FMN2: variants seen among roughly 807,000 people sequenced by gnomAD.
FMN2 encodes the protein formin 2, also known as formin-2.
In FMN2, 51 loss-of-function variants were observed where a neutral mutation model predicts 142.3. That is an observed-to-expected ratio of 0.36 (90% CI 0.29 to 0.45). The LOEUF is 0.45. Ranked by LOEUF, FMN2 falls within the 20% of genes least tolerant of loss-of-function variation. FMN2 has a pLI of 1.00. For synonymous variants in FMN2, 882 were observed against 869.8 expected, an observed-to-expected ratio of 1.01 and a Z score of -0.25; for missense variants, 1,936 against 2,122.8, an observed-to-expected ratio of 0.91 and a Z score of 1.73.
chr1:240,446,449 C>A (rs1265072267), intron 16 of FMN2, among the ~76,000 whole-genome samples: 1 of 152,166 alleles, frequency 6.6e-6, no homozygotes, highest in Non-Finnish European at 1.5e-5. Flanking sequence ...TCCCCTTTAG[C>A]ATTTGCTAAA....
chr1:240,354,379 G>C (rs1396138041), intron 13 of FMN2, among the ~76,000 whole-genome samples: 1 of 152,200 alleles, frequency 6.6e-6, no homozygotes, highest in Non-Finnish European at 1.5e-5. Flanking sequence ...AGTTATGTAG[G>C]TCAGGTGGTG....
At chr1:240,359,192 T>C (rs1672380627) in intron 14 of FMN2, among the ~76,000 whole-genome samples, 1 of 152,134 alleles carries the variant, frequency 6.6e-6, no homozygotes, top group Admixed American at 6.6e-5. Flanking sequence ...TTTCTTCTAG[T>C]TTATCAGGAC....
At chr1:240,206,718 G>T in intron 4 of FMN2, 81 bp from the exon 5 acceptor site, 1 of 1,460,140 alleles carries the variant, frequency 6.8e-7, no homozygotes, top group Non-Finnish European at 9.2e-7. Flanking sequence ...ACAACAAACA[G>T]ATATAATTTT....
At chr1:240,246,522 A>T (rs1024611237) in intron 6 of FMN2, among the ~76,000 whole-genome samples, 2 of 152,188 alleles carry the variant, frequency 1.3e-5, no homozygotes, top group Non-Finnish European at 2.9e-5. Flanking sequence ...ATGTTGGGGT[A>T]GCTTTTCTCC....
At chr1:240,471,926 T>C (rs962105219) in intron 16 of FMN2, 12 of 155,134 alleles carry the variant, frequency 7.7e-5, no homozygotes, top group Non-Finnish European at 1.3e-4. Context: ...ATTGCAGGCA[T>C]GAGCTACTCC....
At chr1:240,436,977 A>G (rs1293675235) in intron 15 of FMN2, among the ~76,000 whole-genome samples, 1 of 152,112 alleles carries the variant, frequency 6.6e-6, no homozygotes, top group East Asian at 1.9e-4. Context: ...AGCATCTCTG[A>G]CCTTTCTCTA....
chr1:240,130,687 A>T (rs1363957212), intron 2 of FMN2, among the ~76,000 whole-genome samples: 3 of 152,168 alleles, frequency 2.0e-5, no homozygotes, highest in African/African-American at 4.8e-5. Context: ...TCCTTTTCTT[A>T]TACAGGGAAC....
At chr1:240,368,150 A>T (rs886122319) in intron 14 of FMN2, among the ~76,000 whole-genome samples, 1 of 152,082 alleles carries the variant, frequency 6.6e-6, no homozygotes, top group South Asian at 2.1e-4. Flanking sequence ...TAGACTTCTA[A>T]TAAGTCTTGA....
At chr1:240,437,284 A>G (rs1452684829) in intron 15 of FMN2, among the ~76,000 whole-genome samples, 1 of 140,780 alleles carries the variant, frequency 7.1e-6, no homozygotes, top group East Asian at 2.2e-4. Flanking sequence ...CTTTGTCAGC[A>G]TCTCTTGCTT....
At chr1:240,101,206 T>G (rs918786504) in intron 1 of FMN2, among the ~76,000 whole-genome samples, 3 of 152,314 alleles carry the variant, frequency 2.0e-5, no homozygotes, top group African/African-American at 7.2e-5. Context: ...GTGAATGCAA[T>G]CTTGCTGGGA....
At chr1:240,281,968 A>G (rs1669410204) in intron 7 of FMN2, among the ~76,000 whole-genome samples, 1 of 152,208 alleles carries the variant, frequency 6.6e-6, no homozygotes, top group Non-Finnish European at 1.5e-5. Context: ...CCAAACAATA[A>G]TACGAAACTT....
At chr1:240,158,675 G>A (rs961209932) in intron 2 of FMN2, among the ~76,000 whole-genome samples, 1 of 152,070 alleles carries the variant, frequency 6.6e-6, no homozygotes, top group African/African-American at 2.4e-5. Flanking sequence ...TTGTTAGTAT[G>A]TTACTGACCA....
At chr1:240,280,483 C>G (rs7554349) in intron 7 of FMN2, among the ~76,000 whole-genome samples, 19,880 of 151,998 alleles carry the variant, frequency 0.13, 1,376 homozygotes, top group South Asian at 0.19. Flanking sequence ...ATCACTGTGC[C>G]CCTTTTAGAG....
At chr1:240,159,886 G>GTGTATATATATAT (rs1558328369) in intron 2 of FMN2, among the ~76,000 whole-genome samples, 8 of 135,424 alleles carry the variant, frequency 5.9e-5, no homozygotes, top group Non-Finnish European at 7.7e-5. Context: ...TACATGGAGA[G>GTGTATATATATAT]ATATATATAT....
chr1:240,343,435 C>T (rs1442007563), intron 13 of FMN2, among the ~76,000 whole-genome samples: 1 of 152,168 alleles, frequency 6.6e-6, no homozygotes, highest in Non-Finnish European at 1.5e-5. Flanking sequence ...CTTTTAACCC[C>T]AACACAAACA....
intron 16 of FMN2, among the ~76,000 whole-genome samples, chr1:240,451,608 G>A (rs928877436): frequency 6.6e-6 from 1 of 152,032 alleles, no homozygotes; most frequent in Non-Finnish European, 1.5e-5. Context: ...CCCAACAGGG[G>A]CCTCATCCCC....
intron 2 of FMN2, among the ~76,000 whole-genome samples, chr1:240,136,482 G>A (rs1232178049): frequency 6.6e-6 from 1 of 152,094 alleles, no homozygotes; most frequent in African/African-American, 2.4e-5. Context: ...CTTTCTTCAT[G>A]ATTGTTTTTT....
At chr1:240,232,095 G>C (rs1667543425) in intron 6 of FMN2, among the ~76,000 whole-genome samples, 4 of 151,566 alleles carry the variant, frequency 2.6e-5, no homozygotes, top group Admixed American at 2.0e-4. Context: ...TTTTGAGATG[G>C]AGTCTTGCTC....
intron 15 of FMN2, among the ~76,000 whole-genome samples, chr1:240,429,518 CTTTCAGTGG>C (rs1251842351): frequency 1.3e-5 from 2 of 152,060 alleles, no homozygotes; most frequent in Non-Finnish European, 2.9e-5. Context: ...TTAAGTGTTC[CTTTCAGTGG>C]TTTCTTTTAA....
Sources: allele counts gnomAD v4.1 joint callset (sites outside exome capture counted in the v4.1 genomes callset), GRCh38; gene constraint gnomAD v4.1.1; transcripts MANE v1.5; gene names NCBI Gene and HGNC (gene_info 2026-07-23, HGNC 2026-07-21).